GIGYF2: variants seen among roughly 807,000 people sequenced by gnomAD.
The protein encoded by GIGYF2 is GRB10-interacting GYF protein 2.
A neutral mutation model predicts 208.1 loss-of-function variants in GIGYF2; 25 were observed. The ratio of observed to expected loss-of-function variants is 0.12; its 90% confidence interval spans 0.09 to 0.17. The LOEUF (loss-of-function observed/expected upper bound fraction) is 0.17. Among genes scored for constraint, GIGYF2 ranks in the 10% least tolerant of loss-of-function variants. The pLI, the probability that GIGYF2 is intolerant of heterozygous loss-of-function variation, is 1.00. For synonymous variants in GIGYF2, 534 were observed against 543.8 expected (o/e 0.98, Z 0.25); for missense variants, 1,302 against 1,579.4 (o/e 0.82, Z 2.98).
chr2:232,806,644 C>A lies in GIGYF2; in HGVS notation c.1793C>A (p.Pro598His). 1 of 1,610,908 alleles carries A rather than the reference C, an allele frequency of 6.2e-7. No individual in the cohort carries two copies. The highest frequency in any genetic ancestry group is 8.5e-7 in the Non-Finnish European group (1 of 1,177,162). Residue 598 changes from proline (P) to histidine (H), a missense_variant, in exon 15 of 29, where the codon CCC (proline) becomes CAC (histidine). This residue lies in a region of GIGYF2 where 701 missense variants were observed against 793.0 expected (regional missense o/e 0.88). Coordinates refer to ENST00000373563, the MANE Select transcript of GIGYF2 (RefSeq NM_001103146.3). This position sits in a 1 kb window ranked among gnomAD's most constrained non-coding sequence, Gnocchi z 4.0. The part of the protein sequence containing the change: ...GRVPFSPGPA[P>H]PPHMGELDQE... The stretch of plus-strand genomic sequence containing the variant: ...GTTCCCTTTTCTCCAGGTCCAGCTC[C>A]CCCTCCTCATATGGTAAGTACCTTT...
chr2:232,761,342 A>T (rs1698734024), intron 7 of GIGYF2, 54 bp from the exon 8 acceptor site: 2 of 1,152,000 alleles, frequency 1.7e-6, no homozygotes, highest in Admixed American at 3.4e-5. Flanking sequence ...TGTCACAGAT[A>T]GGAAATCTAT....
intron 2 of GIGYF2, among the ~76,000 whole-genome samples, chr2:232,716,374 G>GTTTTTTT (rs397988241): frequency 3.0e-3 from 296 of 100,214 alleles, no homozygotes; most frequent in Non-Finnish European, 4.4e-3. Flanking sequence ...GGTGTTATTT[G>GTTTTTTT]TTTTTTTTTT....
chr2:232,792,446 G>A (rs1700097551), intron 12 of GIGYF2, among the ~76,000 whole-genome samples: 1 of 152,068 alleles, frequency 6.6e-6, no homozygotes, highest in Non-Finnish European at 1.5e-5. Flanking sequence ...TTTTTAAAGA[G>A]ATGGGATTAA....
intron 3 of GIGYF2, among the ~76,000 whole-genome samples, chr2:232,745,148 G>A (rs1698103865): frequency 6.6e-6 from 1 of 152,092 alleles, no homozygotes; most frequent in African/African-American, 2.4e-5. Context: ...TGGGTATGTT[G>A]TTTGCTTACC....
At chr2:232,807,803 C>T (rs1172055106) in intron 15 of GIGYF2, among the ~76,000 whole-genome samples, 1 of 152,134 alleles carries the variant, frequency 6.6e-6, no homozygotes, top group African/African-American at 2.4e-5. Flanking sequence ...AACTCCTGGG[C>T]TCAGGTGGTC....
At chr2:232,783,803 A>C (rs545313019) in intron 8 of GIGYF2, among the ~76,000 whole-genome samples, 20 of 152,284 alleles carry the variant, frequency 1.3e-4, no homozygotes, top group Non-Finnish European at 2.9e-4. Flanking sequence ...CTCCTGCCTC[A>C]GCCTCCCGAG....
chr2:232,806,346 T>C lies in GIGYF2; in HGVS notation c.1640-145T>C, dbSNP rs1029444749. The C allele has an allele frequency of 4.3e-6, 3 of 690,770 alleles. No individual in the cohort carries two copies. The highest frequency in any genetic ancestry group is 7.8e-6 in the Non-Finnish European group (3 of 384,050). 42.8% of individuals were successfully genotyped at this position (690,770 alleles called of 1,614,324 possible). A position where few individuals can be genotyped will look rare whatever the true frequency, so the allele number is the denominator to read the frequency against. ...TTTTAGTAGTTAGAAATCTGTTAGC[T>C]ACCTTTAGAGGTGAATTAAATTAGA... On this transcript the variant is annotated intron_variant, in intron 14 of 28. Coordinates refer to ENST00000373563, the MANE Select transcript of GIGYF2 (RefSeq NM_001103146.3). This position sits in a 1 kb window ranked among gnomAD's most constrained non-coding sequence, Gnocchi z 4.0.
chr2:232,827,583 T>C (rs943870515), intron 21 of GIGYF2, among the ~76,000 whole-genome samples: 4 of 152,244 alleles, frequency 2.6e-5, no homozygotes, highest in African/African-American at 7.2e-5. Context: ...GCAATAGTCC[T>C]CATTTTATTC....
Position 232,836,276 on chromosome 2 carries a change from AT to A in GIGYF2, c.2766+3184del, listed in dbSNP as rs1701593837. On this transcript the variant is annotated intron_variant, in intron 22 of 28. Coordinates refer to ENST00000373563, the MANE Select transcript of GIGYF2 (RefSeq NM_001103146.3). ...ACCCCATCTCTACATATATATATAT[AT>A]ATATATATATATATATATATATATA... 7.8e-4 allele frequency among the ~76,000 whole-genome samples: 3 copies of A among 3,840 alleles called. 1 individual carries two copies. The highest frequency in any genetic ancestry group is 2.8e-3 in the African/African-American group (3 of 1,076). 2.5% of individuals were successfully genotyped at this position (3,840 alleles called of 152,430 possible). A position where few individuals can be genotyped will look rare whatever the true frequency, so the allele number is the denominator to read the frequency against.
chr2:232,756,296 TG>T lies in GIGYF2; in HGVS notation c.346del (p.Ala116LeufsTer28). The T allele has an allele frequency of 6.3e-7, 1 of 1,582,526 alleles. No individual in the cohort carries two copies. The highest frequency in any genetic ancestry group is 8.5e-7 in the Non-Finnish European group (1 of 1,169,858). ...LTGRGGGGTVVGAPRGRSSSR... is the reference protein window; with the variant it reads ...LTGRGGGGTVXGAPRGRSSSR... ...GGACGAGGAGGAGGAGGAACAGTGG[TG>T]GGGGCTCCTAGAGGTCGAAGTTCTT... On this transcript the variant is annotated frameshift_variant, in exon 6 of 29. Transcript: ENST00000373563. LOFTEE classifies it high-confidence loss of function.
intron 8 of GIGYF2, among the ~76,000 whole-genome samples, chr2:232,777,186 T>TA (rs1351645030): frequency 6.6e-6 from 1 of 152,172 alleles, no homozygotes; most frequent in Non-Finnish European, 1.5e-5. Context: ...CCTGATACTT[T>TA]AAAAAATGCA....
chr2:232,730,897 CAAAAAA>C (rs34491260), intron 2 of GIGYF2, among the ~76,000 whole-genome samples: 8 of 51,572 alleles, frequency 1.6e-4, no homozygotes, highest in East Asian at 1.2e-3. Context: ...GACTCCGTCT[CAAAAAA>C]AAAAAAAAAA....
At chr2:232,817,059 G>A (rs1700937696) in intron 20 of GIGYF2, 27 bp downstream of exon 20, 4 of 1,550,546 alleles carry the variant, frequency 2.6e-6, no homozygotes, top group Admixed American at 1.7e-5. Flanking sequence ...TCTGACCATA[G>A]GATTAGTGCT....
intron 28 of GIGYF2, among the ~76,000 whole-genome samples, chr2:232,852,543 G>A (rs745538539): frequency 6.6e-6 from 1 of 151,772 alleles, no homozygotes; most frequent in Non-Finnish European, 1.5e-5. Context: ...GTGAGACTCC[G>A]TCTCAAAAAA....
intron 27 of GIGYF2, among the ~76,000 whole-genome samples, chr2:232,849,025 T>A (rs1036985239): frequency 3.3e-5 from 5 of 152,190 alleles, no homozygotes; most frequent in Non-Finnish European, 7.3e-5. Context: ...CTAGAGATAA[T>A]CAGTATTCAT....
chr2:232,841,380 C>T (rs1483881774), intron 23 of GIGYF2, among the ~76,000 whole-genome samples: 1 of 151,982 alleles, frequency 6.6e-6, no homozygotes, highest in Admixed American at 6.6e-5. Flanking sequence ...ACTGCAGCCT[C>T]CACCTCCTGA....
At chr2:232,737,487 T>C (rs1697781712) in intron 3 of GIGYF2, among the ~76,000 whole-genome samples, 2 of 152,188 alleles carry the variant, frequency 1.3e-5, no homozygotes, top group African/African-American at 4.8e-5. Context: ...TAAGTAGGCA[T>C]AGTGCCCTAT....
At chr2:232,849,106 T>A (rs766361456) in intron 27 of GIGYF2, among the ~76,000 whole-genome samples, 4 of 152,136 alleles carry the variant, frequency 2.6e-5, no homozygotes, top group Non-Finnish European at 5.9e-5. Context: ...AACTGGGTAA[T>A]GGGCTAACAG....
chr2:232,720,564 A>AATAT (rs61010365), intron 2 of GIGYF2, among the ~76,000 whole-genome samples: 7,274 of 114,952 alleles, frequency 0.063, 247 homozygotes, highest in African/African-American at 0.1. Flanking sequence ...CCAACAGTGT[A>AATAT]ATATATATAT....
Sources: gnomAD v4.1 joint callset for allele counts (sites outside exome capture counted in the v4.1 genomes callset) on GRCh38, gnomAD v4.1.1 for gene constraint, gnomAD v4.1.1 regional missense constraint, Gnocchi (gnomAD v3.1) non-coding constraint, MANE v1.5 for transcripts, NCBI Gene and HGNC (gene_info 2026-07-23, HGNC 2026-07-21) for gene names.